The following GALC variants were observed in gnomAD, a reference collection of about 807,000 sequenced individuals.
The protein encoded by GALC is galactosylceramidase.
Under a neutral mutation model 91.8 loss-of-function variants are expected in GALC, and 77 were observed. That is an observed-to-expected ratio of 0.84 (90% confidence interval 0.70 to 1.01). The LOEUF is 1.01. Among genes scored for constraint, GALC ranks in the 50% least tolerant of loss-of-function variants. The pLI is 0.00. For missense variants in GALC, 882 were observed against 855.9 expected, an observed-to-expected ratio of 1.03 and a Z score of -0.38; for synonymous variants, 357 against 306.7, an observed-to-expected ratio of 1.16 and a Z score of -1.71.
intron 7 of GALC, among the ~76,000 whole-genome samples, chr14:87,973,350 G>A (rs1484472810): frequency 6.7e-6 from 1 of 149,210 alleles, no homozygotes; most frequent in Admixed American, 6.9e-5. Context: ...TTTAATGGTA[G>A]AGTGAGATTA....
At chr14:87,988,112 TG>T in intron 3 of GALC, 31 bp downstream of exon 3, 1 of 1,550,098 alleles carries the variant, frequency 6.5e-7, no homozygotes, top group Non-Finnish European at 8.9e-7. Context: ...AAAATGTTGA[TG>T]GGAGAAATCC....
At position 87,988,204 on chromosome 14, in the gene GALC, T is replaced by A. The variant is rs1198700059; in HGVS notation, c.268A>T (p.Asn90Tyr). Residue 90 changes from asparagine to tyrosine, a missense_variant, in exon 3 of 17, where the codon AAT (asparagine) becomes TAT (tyrosine). Transcript: ENST00000261304. ...SQILDYLFKP[N>Y]FGASLHILKV... ...AAAATATGCAAAGAGGCACCAAAAT[T>A]CGGCTGTGAAAAGAAGTAACAGTAT... The A allele has an allele frequency of 4.3e-6, 7 of 1,613,590 alleles. No homozygotes were observed. The highest frequency in any genetic ancestry group is 5.9e-6 in the Non-Finnish European group (7 of 1,179,730).
In GALC at chr14:87,947,728, C is replaced by G; in HGVS notation, c.1489G>C (p.Asp497His). 6.2e-7 allele frequency: 1 copy of G among 1,612,336 alleles called. No individual in the cohort carries two copies. The highest frequency in any genetic ancestry group is 1.1e-5 in the South Asian group (1 of 91,038). Residue 497 changes from aspartate (D) to histidine (H), a missense_variant and splice_region_variant, in exon 13 of 17, where the codon GAT becomes CAT. Coordinates refer to ENST00000261304, the MANE Select transcript of GALC (RefSeq NM_000153.4). ...PSTYKDDFNV[D>H]YPFFSEAPNF... is the part of the protein sequence containing the mutation. ...TTAAGTTTTAGTGAAAAATACTCAC[C>G]AACATTGAAATCATCCTTATAGGTA...
At chr14:87,966,688 G>C (rs921344877) in intron 8 of GALC, among the ~76,000 whole-genome samples, 1 of 152,116 alleles carries the variant, frequency 6.6e-6, no homozygotes, top group African/African-American at 2.4e-5. Flanking sequence ...TATAACTCAA[G>C]ACAAGCTTTC....
chr14:87,958,592 A>G (rs945793459), intron 10 of GALC, among the ~76,000 whole-genome samples: 1 of 152,228 alleles, frequency 6.6e-6, no homozygotes, highest in Non-Finnish European at 1.5e-5. Context: ...ACTTCAACAT[A>G]TACTAAAAGG....
intron 14 of GALC, among the ~76,000 whole-genome samples, chr14:87,944,368 G>A (rs971057192): frequency 1.3e-4 from 19 of 151,818 alleles, no homozygotes; most frequent in Non-Finnish European, 2.9e-5. Flanking sequence ...TTTCCTATAC[G>A]GCGACTTCAA....
chr14:87,963,433 A>G lies in GALC; in HGVS notation c.1112T>C (p.Val371Ala), dbSNP rs1015754738. ...GTTCCCTAAGCCATCAGTCAGAGCT[A>G]CGTAGCTTCCTCCTTTCTCTAAATG... ...VGHLEKGGSYVALTDGLGNLT... is the reference protein window; with the variant it reads ...VGHLEKGGSYAALTDGLGNLT... The change falls in exon 10 of 17, where the codon GTA becomes GCA. Residue 371 changes from valine to alanine, a missense_variant. Physicochemically the swap from Val to Ala is moderately conservative, Grantham distance 64. Coordinates refer to ENST00000261304, the MANE Select transcript of GALC (RefSeq NM_000153.4). The G allele has an allele frequency of 1.2e-5, 19 of 1,613,376 alleles. No homozygotes were observed. The highest frequency in any genetic ancestry group is 1.5e-5 in the Non-Finnish European group (18 of 1,179,476).
chr14:87,977,106 T>A (rs1886532937), intron 6 of GALC, among the ~76,000 whole-genome samples: 1 of 151,684 alleles, frequency 6.6e-6, no homozygotes, highest in African/African-American at 2.4e-5. Context: ...TGCTATGCAT[T>A]CTTCCAGGAA....
chr14:87,935,942 A>C (rs1045281893), intron 16 of GALC, among the ~76,000 whole-genome samples: 1 of 152,052 alleles, frequency 6.6e-6, no homozygotes, highest in Admixed American at 6.6e-5. Context: ...AGCTATCTTC[A>C]GCTCTAGAAG....
At chr14:87,985,321 T>C (rs1218138509) in intron 4 of GALC, among the ~76,000 whole-genome samples, 1 of 152,252 alleles carries the variant, frequency 6.6e-6, no homozygotes, top group East Asian at 1.9e-4. Flanking sequence ...AAAATGCTTA[T>C]TTTCTAAACT....
intron 1 of GALC, chr14:87,992,502 C>T: frequency 6.5e-7 from 1 of 1,531,518 alleles, no homozygotes; most frequent in Non-Finnish European, 8.7e-7. Context: ...GACTCCACCA[C>T]CCACCAACTC....
In GALC at chr14:87,963,439, C is replaced by T. The variant is rs540587431; in HGVS notation, c.1106G>A (p.Ser369Asn). The T allele has an allele frequency of 2.5e-6, 4 of 1,613,346 alleles. No homozygotes were observed. In the African/African-American group the frequency reaches 4.0e-5, roughly 16 times the overall value. Residue 369 changes from serine (S) to asparagine (N), a missense_variant, in exon 10 of 17, where the codon AGC (serine) becomes AAC (asparagine). By Grantham distance (46) the Ser-to-Asn change is conservative (BLOSUM62 1). Coordinates refer to ENST00000261304, the MANE Select transcript of GALC (RefSeq NM_000153.4). ...KTVGHLEKGGSYVALTDGLGN... is the reference protein window; with the variant it reads ...KTVGHLEKGGNYVALTDGLGN... ...TAAGCCATCAGTCAGAGCTACGTAGCTTCCTCCTTTCTCTAAATGGCCAAC... is the reference window on the plus strand; with the variant it reads ...TAAGCCATCAGTCAGAGCTACGTAGTTTCCTCCTTTCTCTAAATGGCCAAC...
intron 1 of GALC, chr14:87,992,585 C>T: frequency 6.8e-7 from 1 of 1,467,504 alleles, no homozygotes; most frequent in South Asian, 1.4e-5. Flanking sequence ...CTCCCGCACT[C>T]CCTGGCCCTT....
chr14:87,953,236 A>G, intron 10 of GALC: 4 of 1,505,432 alleles, frequency 2.7e-6, no homozygotes, highest in Non-Finnish European at 3.7e-6. Context: ...AATTACCTCC[A>G]GCCAGGTTGC....
intron 1 of GALC, 62 bp from the exon 2 acceptor site, chr14:87,988,585 A>G (rs1334339127): frequency 5.0e-6 from 6 of 1,194,914 alleles, no homozygotes; most frequent in African/African-American, 1.5e-5. Context: ...ATCTGTCTAC[A>G]GTGTTCACGC....
chr14:87,954,883 T>C, intron 10 of GALC: 5 of 1,595,048 alleles, frequency 3.1e-6, no homozygotes, highest in Non-Finnish European at 3.4e-6. Flanking sequence ...GAAAATATAC[T>C]ATAGGCCAGC....
chr14:87,959,088 G>A (rs752374353), intron 10 of GALC, among the ~76,000 whole-genome samples: 8 of 152,092 alleles, frequency 5.3e-5, no homozygotes, highest in Non-Finnish European at 1.2e-4. Context: ...CATGAGACAA[G>A]GGGTTAATAT....
intron 7 of GALC, among the ~76,000 whole-genome samples, chr14:87,969,064 T>C (rs562497747): frequency 6.6e-6 from 1 of 152,314 alleles, no homozygotes; most frequent in South Asian, 2.1e-4. Context: ...CACACATGGT[T>C]ATTTCTTGAA....
chr14:87,935,786 T>A (rs1008184413), intron 16 of GALC, among the ~76,000 whole-genome samples: 1 of 152,050 alleles, frequency 6.6e-6, no homozygotes, highest in Non-Finnish European at 1.5e-5. Flanking sequence ...CTTGGAAGTA[T>A]AACGTAATGG....
Sources: allele counts gnomAD v4.1 joint callset (sites outside exome capture counted in the v4.1 genomes callset), GRCh38; gene constraint gnomAD v4.1.1; transcripts MANE v1.5; gene names NCBI Gene and HGNC (gene_info 2026-07-23, HGNC 2026-07-21).